DCDC2: variants seen among roughly 807,000 people sequenced by gnomAD.
DCDC2 encodes doublecortin domain containing 2.
Under a neutral mutation model 50.2 loss-of-function variants are expected in DCDC2, and 40 were observed. That is an observed-to-expected ratio of 0.80 (90% confidence interval 0.62 to 1.04). The LOEUF (loss-of-function observed/expected upper bound fraction) is 1.04, where lower values mean the gene tolerates loss of function less well. Ranked by LOEUF, DCDC2 falls within the 50% of genes least tolerant of loss-of-function variation. The pLI, the probability that DCDC2 is intolerant of heterozygous loss-of-function variation, is 0.00. For synonymous variants in DCDC2, 234 were observed against 210.6 expected, an observed-to-expected ratio of 1.11 and a Z score of -0.96; for missense variants, 570 against 581.9, an observed-to-expected ratio of 0.98 and a Z score of 0.21.
chr6:24,353,049 T>C (rs1005514146), intron 2 of DCDC2, among the ~76,000 whole-genome samples: 19 of 152,218 alleles, frequency 1.2e-4, no homozygotes, highest in South Asian at 2.1e-4. Context: ...AACCTTCACA[T>C]AAGCTTTCAC....
chr6:24,380,041 G>T, the DCDC2 span, among the ~76,000 whole-genome samples: 1 of 151,658 alleles, frequency 6.6e-6, no homozygotes, highest in African/African-American at 2.4e-5. Context: ...GGCCTGTTGG[G>T]GGGTGGGGGG....
At chr6:24,324,143 A>T (rs1759816815) in intron 2 of DCDC2, among the ~76,000 whole-genome samples, 1 of 150,728 alleles carries the variant, frequency 6.6e-6, no homozygotes, top group Non-Finnish European at 1.5e-5. Flanking sequence ...CTTTCACATC[A>T]AAACTGCACC....
upstream of DCDC2, among the ~76,000 whole-genome samples, chr6:24,362,253 T>G (rs1198317902): frequency 2.7e-5 from 4 of 148,976 alleles, no homozygotes; most frequent in South Asian, 4.2e-4. Context: ...ATTGTATATT[T>G]ATACAATTAT....
chr6:24,236,776 G>T (rs1762448397), intron 7 of DCDC2, among the ~76,000 whole-genome samples: 1 of 152,122 alleles, frequency 6.6e-6, no homozygotes, highest in African/African-American at 2.4e-5. Flanking sequence ...TTGGGAGGTT[G>T]AGGCGGGTGG....
At chr6:24,224,589 G>C (rs1365272562) in intron 7 of DCDC2, among the ~76,000 whole-genome samples, 1 of 152,172 alleles carries the variant, frequency 6.6e-6, no homozygotes, top group Admixed American at 6.5e-5. Flanking sequence ...TCAAAACTGG[G>C]GTGGCAGAAG....
chr6:24,178,556 G>A lies in DCDC2; in HGVS notation c.1100C>T (p.Ser367Leu), dbSNP rs757670255. Reference protein sequence around the residue: ...NKDAEQKEDFSGMNGDLEEEG... With the variant: ...NKDAEQKEDFLGMNGDLEEEG... ...CTCTTCAAGGTCACCATTCATTCCT[G>A]AAAAGTCTTCTTTCTGTTCTGCATC... Residue 367 changes from serine to leucine, a missense_variant, in exon 9 of 10, where the codon TCA (serine) becomes TTA (leucine). Coordinates refer to ENST00000378454, the MANE Select transcript of DCDC2 (RefSeq NM_016356.5). 6.8e-6 allele frequency: 11 copies of A among 1,614,106 alleles called. No individual in the cohort carries two copies. The Admixed American group carries it at 1.8e-4, about 27-fold the overall frequency.
At chr6:24,274,759 G>A (rs1763316188) in intron 7 of DCDC2, among the ~76,000 whole-genome samples, 2 of 151,280 alleles carry the variant, frequency 1.3e-5, no homozygotes, top group Non-Finnish European at 2.9e-5. Context: ...AAAAAATAAC[G>A]AAAAAATATG....
At chr6:24,254,503 T>A (rs1011196252) in intron 7 of DCDC2, among the ~76,000 whole-genome samples, 4 of 152,162 alleles carry the variant, frequency 2.6e-5, no homozygotes, top group Non-Finnish European at 4.4e-5. Flanking sequence ...AAATTTTTCA[T>A]CTCCATTGTA....
chr6:24,249,400 A>G (rs1386275289), intron 7 of DCDC2, among the ~76,000 whole-genome samples: 2 of 152,226 alleles, frequency 1.3e-5, no homozygotes, highest in Non-Finnish European at 2.9e-5. Context: ...TTAAAATTCA[A>G]TTGAAAAATT....
At chr6:24,302,464 C>T (rs571867568) in intron 2 of DCDC2, among the ~76,000 whole-genome samples, 2 of 152,202 alleles carry the variant, frequency 1.3e-5, no homozygotes, top group East Asian at 1.9e-4. Context: ...CATTCCCATG[C>T]ACCTGCTTTC....
chr6:24,221,879 C>A (rs1471280278), intron 7 of DCDC2, among the ~76,000 whole-genome samples: 5 of 152,226 alleles, frequency 3.3e-5, no homozygotes, highest in Admixed American at 6.5e-5. Flanking sequence ...AGCATCACCA[C>A]TGTTAAGGCA....
At chr6:24,338,458 C>A (rs547331315) in intron 2 of DCDC2, among the ~76,000 whole-genome samples, 2 of 152,130 alleles carry the variant, frequency 1.3e-5, no homozygotes, top group South Asian at 2.1e-4. Flanking sequence ...TTCTTCATTA[C>A]CCCACATCCA....
chr6:24,371,192 G>A, the DCDC2 span, among the ~76,000 whole-genome samples: 13 of 149,114 alleles, frequency 8.7e-5, no homozygotes, highest in East Asian at 2.0e-4. Flanking sequence ...CGGGAGAATC[G>A]TGTGAACCCA....
At chr6:24,175,589 G>A (rs971121399) in intron 9 of DCDC2, among the ~76,000 whole-genome samples, 8 of 152,118 alleles carry the variant, frequency 5.3e-5, no homozygotes, top group Admixed American at 1.3e-4. Flanking sequence ...TATATGACTG[G>A]TGCCGTGTCT....
chr6:24,325,924 A>G (rs942980890), intron 2 of DCDC2, among the ~76,000 whole-genome samples: 3 of 149,200 alleles, frequency 2.0e-5, no homozygotes, highest in Admixed American at 6.7e-5. Flanking sequence ...TCTTACTACC[A>G]TAATATTTAC....
chr6:24,330,442 T>C (rs1184587017), intron 2 of DCDC2, among the ~76,000 whole-genome samples: 5 of 152,222 alleles, frequency 3.3e-5, no homozygotes, highest in African/African-American at 1.2e-4. Context: ...ACAAACATAT[T>C]GTTTGGGCAA....
At chr6:24,337,030 C>T (rs1023601193) in intron 2 of DCDC2, among the ~76,000 whole-genome samples, 1 of 152,134 alleles carries the variant, frequency 6.6e-6, no homozygotes, top group African/African-American at 2.4e-5. Flanking sequence ...TAGCTTGTCT[C>T]CAACACATGA....
chr6:24,268,078 T>C (rs546261714), intron 7 of DCDC2, among the ~76,000 whole-genome samples: 2 of 152,338 alleles, frequency 1.3e-5, no homozygotes, highest in East Asian at 3.9e-4. Flanking sequence ...AATACGTCCA[T>C]ACTAAAGGCT....
At chr6:24,353,662 T>C in intron 1 of DCDC2, 39 bp from the exon 2 acceptor site, 1 of 1,299,218 alleles carries the variant, frequency 7.7e-7, no homozygotes, top group East Asian at 2.3e-5. Flanking sequence ...GTTGCTTTTA[T>C]AGACTTTAAG....
Sources: allele counts gnomAD v4.1 joint callset (sites outside exome capture counted in the v4.1 genomes callset), GRCh38; gene constraint gnomAD v4.1.1; transcripts MANE v1.5; gene names NCBI Gene and HGNC (gene_info 2026-07-23, HGNC 2026-07-21).